Variants in VPS13A observed in about 807,000 individuals in gnomAD.
VPS13A encodes intermembrane lipid transfer protein VPS13A.
Under a neutral mutation model 390.9 loss-of-function variants are expected in VPS13A, and 264 were observed. The ratio of observed to expected loss-of-function variants is 0.68; its 90% CI spans 0.61 to 0.75. VPS13A has a LOEUF of 0.75. VPS13A is among the 30% of genes least tolerant of loss of function. VPS13A has a pLI of 0.00. For missense variants in VPS13A, 3,409 were observed against 3,733.9 expected, an observed-to-expected ratio of 0.91 and a Z score of 2.27; for synonymous variants, 1,231 against 1,227.1, an observed-to-expected ratio of 1.00 and a Z score of -0.07.
chr9:77,393,116 C>T (rs1356166429), intron 68 of VPS13A, among the ~76,000 whole-genome samples: 1 of 152,224 alleles, frequency 6.6e-6, no homozygotes, highest in East Asian at 1.9e-4. Flanking sequence ...TAATCTAAAT[C>T]CTTTGTTGTC....
chr9:77,268,087 C>T (rs939773823), intron 23 of VPS13A, among the ~76,000 whole-genome samples: 1 of 152,240 alleles, frequency 6.6e-6, no homozygotes, highest in Admixed American at 6.5e-5. Flanking sequence ...TGGATCTTAG[C>T]TTGCTGGGCT....
chr9:77,365,337 G>A, intron 59 of VPS13A, 123 bp from the exon 60 acceptor site: 1 of 680,518 alleles, frequency 1.5e-6, no homozygotes, highest in Non-Finnish European at 2.6e-6. Context: ...CCCTTCTGAG[G>A]CAATCATAAG....
At chr9:77,228,721 A>G (rs116462893) in intron 17 of VPS13A, among the ~76,000 whole-genome samples, 3,231 of 152,242 alleles carry the variant, frequency 0.021, 79 homozygotes, top group African/African-American at 0.059. Context: ...CATGCTGTTA[A>G]TGAAGACTTA....
intron 1 of VPS13A, among the ~76,000 whole-genome samples, chr9:77,185,466 A>C (rs1824275004): frequency 6.6e-6 from 1 of 152,146 alleles, no homozygotes; most frequent in African/African-American, 2.4e-5. Context: ...CTAGGTAGAT[A>C]GTGTCATTAT....
intron 59 of VPS13A, among the ~76,000 whole-genome samples, chr9:77,362,998 G>C (rs1832224620): frequency 6.6e-6 from 1 of 151,912 alleles, no homozygotes; most frequent in Non-Finnish European, 1.5e-5. Context: ...AGCTCTATTT[G>C]TTGTTCCGTA....
chr9:77,353,718 A>C (rs916236681), intron 54 of VPS13A, 77 bp downstream of exon 54: 3 of 1,359,584 alleles, frequency 2.2e-6, no homozygotes, highest in Admixed American at 1.9e-5. Flanking sequence ...TAAAATCTCA[A>C]ATGATTTAGT....
chr9:77,337,216 T>G, intron 46 of VPS13A, 39 bp from the exon 47 acceptor site: 1 of 1,572,854 alleles, frequency 6.4e-7, no homozygotes. Flanking sequence ...TATGTTTTCC[T>G]TTAAAACATT....
chr9:77,290,006 CTT>C (rs1402130148), intron 31 of VPS13A, among the ~76,000 whole-genome samples: 2 of 152,096 alleles, frequency 1.3e-5, no homozygotes, highest in African/African-American at 4.8e-5. Context: ...GTCTTGAACT[CTT>C]TGACCTCAGG....
chr9:77,181,515 C>CAAAA (rs1161800764), intron 1 of VPS13A, among the ~76,000 whole-genome samples: 23 of 80,142 alleles, frequency 2.9e-4, no homozygotes, highest in Admixed American at 5.7e-4. Context: ...GACCCTGCCT[C>CAAAA]AAAAAAAAAA....
chr9:77,390,600 CAA>C lies in VPS13A; in HGVS notation c.9189+8514_9189+8515del, dbSNP rs905513522. Among the ~76,000 whole-genome samples the C allele has an allele frequency of 9.1e-4, 139 of 152,128 alleles. 1 individual carries two copies. Among genetic ancestry groups the C allele is most frequent in the African/African-American group, 2.9e-3 (121 of 41,498 alleles). On this transcript the variant is annotated intron_variant, in intron 68 of 71. Transcript: ENST00000360280. ...GAGGTTCAGGTTTTTTCTTTCATCT[CAA>C]GTGTAAAATTTATTCATTTCCCACC... is the stretch of plus-strand genomic sequence containing the variant.
chr9:77,207,252 T>TTA (rs1554860018), intron 5 of VPS13A, among the ~76,000 whole-genome samples: 1,548 of 87,212 alleles, frequency 0.018, 94 homozygotes, highest in African/African-American at 0.025. Flanking sequence ...TATATATATA[T>TTA]AAAACGTGTT....
Position 77,321,280 on chromosome 9 carries a change from A to G in VPS13A, c.5527A>G (p.Ile1843Val). ...TTTCCATTCAAAAGACCAATTAAAC[A>G]TTACATTATCCAAATGTGGTCTTGT... Reference protein sequence around the residue: ...ISFHSKDQLNITLSKCGLVML... With the variant: ...ISFHSKDQLNVTLSKCGLVML... The change falls in exon 43 of 72, where the codon ATT becomes GTT. Residue 1843 changes from isoleucine to valine, a missense_variant. Ile to Val is a conservative substitution (Grantham distance 29, BLOSUM62 3). Transcript: ENST00000360280. 6.2e-7 allele frequency: 1 copy of G among 1,610,602 alleles called. No homozygotes were observed. The highest frequency in any genetic ancestry group is 8.5e-7 in the Non-Finnish European group (1 of 1,177,838).
intron 1 of VPS13A, among the ~76,000 whole-genome samples, chr9:77,195,280 C>T (rs963282429): frequency 4.6e-5 from 7 of 152,276 alleles, no homozygotes; most frequent in Non-Finnish European, 5.9e-5. Context: ...CCCGCCACAA[C>T]ACCTGGCTAA....
At chr9:77,282,065 A>C (rs1198241291) in intron 28 of VPS13A, 56 bp from the exon 29 acceptor site, 1 of 1,568,152 alleles carries the variant, frequency 6.4e-7, no homozygotes, top group Non-Finnish European at 8.8e-7. Context: ...TGCCTTGTAG[A>C]GAGCTGGCAA....
intron 19 of VPS13A, among the ~76,000 whole-genome samples, chr9:77,246,366 A>G (rs1469039771): frequency 6.6e-6 from 1 of 152,160 alleles, no homozygotes; most frequent in African/African-American, 2.4e-5. Context: ...TTTTAAGTAC[A>G]TTAAAATTGT....
intron 10 of VPS13A, among the ~76,000 whole-genome samples, chr9:77,215,989 C>T (rs1226559919): frequency 6.6e-6 from 1 of 152,168 alleles, no homozygotes; most frequent in Non-Finnish European, 1.5e-5. Flanking sequence ...GAACTCCGTG[C>T]TGGAGGAACC....
chr9:77,242,810 T>C (rs1329257710), intron 19 of VPS13A, among the ~76,000 whole-genome samples: 1 of 151,978 alleles, frequency 6.6e-6, no homozygotes, highest in Middle Eastern at 3.7e-3. Context: ...ATATCCACAA[T>C]ATAAAGTTCA....
At chr9:77,362,066 CTT>C (rs1832174429) in intron 59 of VPS13A, among the ~76,000 whole-genome samples, 1 of 152,176 alleles carries the variant, frequency 6.6e-6, no homozygotes, top group East Asian at 1.9e-4. Flanking sequence ...ATACAGGTCT[CTT>C]ATCAGATACA....
In VPS13A at chr9:77,363,413, T is replaced by A. The variant is rs1454129571; in HGVS notation, c.8212-2047T>A. 8.2e-3 allele frequency among the ~76,000 whole-genome samples: 1,197 copies of A among 145,798 alleles called. 15 individuals are homozygous for A. Among genetic ancestry groups the A allele is most frequent in the African/African-American group, 0.027 (1,085 of 39,818 alleles). On this transcript the variant is annotated intron_variant, in intron 59 of 71. Transcript: ENST00000360280. ...TAATTTTTTTTTTTTTATTTTTTTT[T>A]TTTTTTGAGACCTAGGCTCGCTCTG...
Sources: allele counts gnomAD v4.1 joint callset (sites outside exome capture counted in the v4.1 genomes callset), GRCh38; gene constraint gnomAD v4.1.1; transcripts MANE v1.5; gene names NCBI Gene and HGNC (gene_info 2026-07-23, HGNC 2026-07-21).